COL5A2: variants seen among roughly 807,000 people sequenced by gnomAD.
COL5A2 encodes the protein collagen type V alpha 2 chain.
COL5A2 carries 23 observed loss-of-function variants against 208.2 expected under a neutral mutation model. The ratio of observed to expected loss-of-function variants is 0.11; its 90% CI spans 0.08 to 0.16. The LOEUF (loss-of-function observed/expected upper bound fraction) is 0.16. Ranked by LOEUF, COL5A2 falls within the 10% of genes least tolerant of loss-of-function variation. The probability of loss-of-function intolerance (pLI) is 1.00; values close to 1 mark genes in which losing one functional copy is unlikely to be tolerated. For missense variants in COL5A2, 1,590 were observed against 1,956.4 expected (o/e 0.81, Z 3.53); for synonymous variants, 625 against 628.5 (o/e 0.99, Z 0.08).
At chr2:189,227,160 T>C (rs1689431719), upstream of COL5A2, among the ~76,000 whole-genome samples, 1 of 152,066 alleles carries the variant, frequency 6.6e-6, no homozygotes, top group South Asian at 2.1e-4. Flanking sequence ...GAGAGGTGGT[T>C]TGTATTTTCA....
intron 15 of COL5A2, 33 bp from the exon 16 acceptor site, chr2:189,078,602 G>A (rs780751316): frequency 2.1e-5 from 33 of 1,566,102 alleles, no homozygotes; most frequent in Non-Finnish European, 2.8e-5. Flanking sequence ...GTCTCTTGAA[G>A]CACCTAATTT....
chr2:189,191,159 C>CAAAAAAAAAAAAA (rs1688920072), intron 1 of COL5A2, among the ~76,000 whole-genome samples: 1 of 19,074 alleles, frequency 5.2e-5, no homozygotes, highest in Non-Finnish European at 2.9e-4. Context: ...AAACAAAAAA[C>CAAAAAAAAAAAAA]AAACAAACAA....
chr2:189,079,973 A>C lies in COL5A2; in HGVS notation c.960+5T>G. Reference sequence around the variant, plus strand: ...GAGGTTACAGTGAGATAATTATAAGATTACCTTGGAACCAGGTGCTCCAAC... The same window carrying C: ...GAGGTTACAGTGAGATAATTATAAGCTTACCTTGGAACCAGGTGCTCCAAC... On this transcript the variant is annotated splice_donor_5th_base_variant and intron_variant, in intron 14 of 53. Transcript: ENST00000374866. The C allele has an allele frequency of 6.2e-7, 1 of 1,611,204 alleles. No homozygotes were observed.
chr2:189,398,997 CT>C, the COL5A2 span, among the ~76,000 whole-genome samples: 1 of 152,100 alleles, frequency 6.6e-6, no homozygotes. Flanking sequence ...TAAATTCTCT[CT>C]CATACTTTGT....
At chr2:189,132,217 C>T (rs761495556) in intron 1 of COL5A2, among the ~76,000 whole-genome samples, 16 of 152,162 alleles carry the variant, frequency 1.1e-4, no homozygotes, top group Non-Finnish European at 2.2e-4. Context: ...TTTTTAGAGA[C>T]ATAAGTAGAA....
At chr2:189,173,586 C>A (rs1331105303) in intron 1 of COL5A2, among the ~76,000 whole-genome samples, 1 of 152,074 alleles carries the variant, frequency 6.6e-6, no homozygotes, top group African/African-American at 2.4e-5. Flanking sequence ...TATATATGAA[C>A]TTTATATGGA....
the COL5A2 span, among the ~76,000 whole-genome samples, chr2:189,269,524 A>G: frequency 6.6e-6 from 1 of 152,082 alleles, no homozygotes; most frequent in Non-Finnish European, 1.5e-5. Flanking sequence ...GGTTCTATTT[A>G]TGTGATGCAT....
chr2:189,186,742 T>C (rs1000450268), intron 1 of COL5A2, among the ~76,000 whole-genome samples: 2 of 152,236 alleles, frequency 1.3e-5, no homozygotes, highest in Admixed American at 6.5e-5. Context: ...AATGTCATTA[T>C]AATAATATCA....
At position 189,066,918 on chromosome 2, in the gene COL5A2, T is replaced by C. The variant is rs1241727063; in HGVS notation, c.1402-136A>G. ...TTGCATCAGTAGTATAATATAATCA[T>C]TTTTAAATGAATGCATGTGAATATG... On this transcript the variant is annotated intron_variant, in intron 21 of 53. Transcript: ENST00000374866. 21 of 690,932 alleles carry C rather than the reference T, an allele frequency of 3.0e-5. No individual in the cohort carries two copies. The Admixed American group carries it at 5.1e-4, about 17-fold the overall frequency. 42.8% of individuals were successfully genotyped at this position (690,932 alleles called of 1,614,324 possible).
chr2:189,052,828 C>T (rs753186509), intron 39 of COL5A2, 26 bp from the exon 40 acceptor site: 1 of 1,613,840 alleles, frequency 6.2e-7, no homozygotes, highest in African/African-American at 1.3e-5. Flanking sequence ...CAAAAGAGCA[C>T]TATAGTGAAG....
intron 35 of COL5A2, among the ~76,000 whole-genome samples, chr2:189,054,773 TCACAG>T (rs1268585126): frequency 1.4e-5 from 2 of 148,080 alleles, no homozygotes; most frequent in Non-Finnish European, 3.0e-5. Context: ...ACAGATGTGA[TCACAG>T]CACATGCATC....
the COL5A2 span, among the ~76,000 whole-genome samples, chr2:189,248,036 T>A: frequency 6.6e-6 from 1 of 152,228 alleles, no homozygotes; most frequent in African/African-American, 2.4e-5. Context: ...CTAATTCACA[T>A]GGAAATACTT....
chr2:189,218,670 A>AAT (rs1239576451), intron 1 of COL5A2, among the ~76,000 whole-genome samples: 1 of 152,174 alleles, frequency 6.6e-6, no homozygotes, highest in Non-Finnish European at 1.5e-5. Context: ...TAGTAGGGGA[A>AAT]AGATAAGGTT....
intron 1 of COL5A2, among the ~76,000 whole-genome samples, chr2:189,188,191 G>C (rs762406100): frequency 2.0e-5 from 3 of 152,066 alleles, no homozygotes; most frequent in Non-Finnish European, 2.9e-5. Flanking sequence ...ACAATAATGT[G>C]ACTGCCATTA....
chr2:189,085,369 A>G (rs1686634066), intron 10 of COL5A2, among the ~76,000 whole-genome samples, 156 bp from the exon 11 acceptor site: 2 of 152,246 alleles, frequency 1.3e-5, no homozygotes. Flanking sequence ...TAGTTTTATT[A>G]AAGTTTTGAA....
the COL5A2 span, among the ~76,000 whole-genome samples, chr2:189,385,652 A>C: frequency 6.6e-6 from 1 of 152,070 alleles, no homozygotes; most frequent in Admixed American, 6.6e-5. Flanking sequence ...TCGAAAAAAA[A>C]ACCAGCCTGA....
the COL5A2 span, among the ~76,000 whole-genome samples, chr2:189,293,113 G>T: frequency 6.6e-6 from 1 of 151,906 alleles, no homozygotes; most frequent in Non-Finnish European, 1.5e-5. Context: ...GTGGGGTGGG[G>T]GGAGTGGGGA....
chr2:189,051,526 G>T, intron 41 of COL5A2, 45 bp from the exon 42 acceptor site: 2 of 1,553,840 alleles, frequency 1.3e-6, no homozygotes, highest in Non-Finnish European at 1.7e-6. Flanking sequence ...AAAATGGAAG[G>T]CAAGTAAGAG....
chr2:189,144,272 T>G (rs1157997154), intron 1 of COL5A2, among the ~76,000 whole-genome samples: 1 of 152,148 alleles, frequency 6.6e-6, no homozygotes, highest in African/African-American at 2.4e-5. Context: ...ACACACAGTT[T>G]CAGTAAACAA....
Sources: allele counts gnomAD v4.1 joint callset (sites outside exome capture counted in the v4.1 genomes callset), GRCh38; gene constraint gnomAD v4.1.1; transcripts MANE v1.5; gene names NCBI Gene and HGNC (gene_info 2026-07-23, HGNC 2026-07-21).